HERC6: variants seen among roughly 807,000 people sequenced by gnomAD.
The protein encoded by HERC6 is probable E3 ubiquitin-protein ligase HERC6.
In HERC6, 101 loss-of-function variants were observed where a neutral mutation model predicts 114.5. The ratio of observed to expected loss-of-function variants is 0.88; its 90% CI spans 0.75 to 1.04. The LOEUF is 1.04. HERC6 is among the 50% of genes least tolerant of loss of function. The pLI, the probability that HERC6 is intolerant of heterozygous loss-of-function variation, is 0.00. For missense variants in HERC6, 1,133 were observed against 1,230.9 expected (o/e 0.92, Z 1.19); for synonymous variants, 408 against 436.2 (o/e 0.94, Z 0.81).
At chr4:88,393,700 T>G in intron 5 of HERC6, 118 bp downstream of exon 5, 1 of 522,624 alleles carries the variant, frequency 1.9e-6, no homozygotes, top group Non-Finnish European at 3.5e-6. Flanking sequence ...TATAACAAAA[T>G]ACCATAAAAA....
intron 18 of HERC6, among the ~76,000 whole-genome samples, chr4:88,436,376 GA>G (rs1392933072): frequency 6.6e-6 from 1 of 152,184 alleles, no homozygotes. Context: ...AAAATTGGGG[GA>G]AAGGACTCTC....
At chr4:88,401,591 G>T (rs1025598981) in intron 8 of HERC6, among the ~76,000 whole-genome samples, 1 of 152,112 alleles carries the variant, frequency 6.6e-6, no homozygotes, top group Non-Finnish European at 1.5e-5. Context: ...ACGCGTGATT[G>T]AGGGGTTTGA....
chr4:88,404,731 G>T, intron 8 of HERC6, 145 bp from the exon 9 acceptor site: 1 of 987,298 alleles, frequency 1.0e-6, no homozygotes, highest in Non-Finnish European at 1.4e-6. Flanking sequence ...TAGCCCTACC[G>T]GTCTGACGCC....
At chr4:88,413,945 C>A (rs986414109) in intron 12 of HERC6, among the ~76,000 whole-genome samples, 1 of 152,112 alleles carries the variant, frequency 6.6e-6, no homozygotes, top group Admixed American at 6.6e-5. Flanking sequence ...AAAAATACAT[C>A]TAGGTGTGGT....
In HERC6 at chr4:88,396,020, GAAAGTGT is replaced by G; in HGVS notation, c.766_772del (p.Lys256SerfsTer31). 6.3e-7 allele frequency: 1 copy of G among 1,591,376 alleles called. No individual in the cohort carries two copies. The highest frequency in any genetic ancestry group is 1.7e-4 in the Middle Eastern group (1 of 5,994). On this transcript the variant is annotated frameshift_variant, in exon 6 of 23. Coordinates refer to ENST00000264346, the MANE Select transcript of HERC6 (RefSeq NM_017912.4). LOFTEE classifies it high-confidence loss of function. ...ATTCTTCCTTTGCTAAGCAGGACGG[GAAAGTGT>G]TCACATTTGGAGACAATCGCTCTGG... is the stretch of plus-strand genomic sequence containing the variant.
At chr4:88,431,440 TG>T in intron 17 of HERC6, 135 bp downstream of exon 17, 1 of 1,035,738 alleles carries the variant, frequency 9.7e-7, no homozygotes, top group South Asian at 1.8e-5. Context: ...AGTACTCGTA[TG>T]GTTCACAGAG....
intron 5 of HERC6, among the ~76,000 whole-genome samples, chr4:88,394,602 T>A (rs1327915397): frequency 6.6e-6 from 1 of 151,092 alleles, no homozygotes; most frequent in African/African-American, 2.4e-5. Context: ...TGGAGTGCAG[T>A]GGTGCAATCT....
chr4:88,380,225 TA>T (rs1734176828), intron 1 of HERC6, among the ~76,000 whole-genome samples: 1 of 77,420 alleles, frequency 1.3e-5, no homozygotes, highest in Non-Finnish European at 2.2e-5. Flanking sequence ...TATAAATATA[TA>T]ATATATAAAT....
chr4:88,439,839 TTTC>T (rs1414936676), intron 20 of HERC6, 32 bp from the exon 21 acceptor site: 8 of 1,382,180 alleles, frequency 5.8e-6, no homozygotes, highest in African/African-American at 1.5e-5. Context: ...TTTTCCTTCC[TTTC>T]TTTTTTTTTT....
chr4:88,414,027 T>C (rs1736281989), intron 12 of HERC6, among the ~76,000 whole-genome samples: 1 of 152,228 alleles, frequency 6.6e-6, no homozygotes. Flanking sequence ...AATTCTGTTC[T>C]CTGTAGTGGG....
rs1738158879 is a variant in HERC6 at position 88,431,160 on chromosome 4, A to G, written c.2107-2A>G. The stretch of plus-strand genomic sequence containing the variant: ...ATCTGGGACTATGTTCTCTTTCCTT[A>G]GGTTGAATTTATTAATGAAATTTGT... On this transcript the variant is annotated splice_acceptor_variant, in intron 16 of 22. Coordinates refer to ENST00000264346, the MANE Select transcript of HERC6 (RefSeq NM_017912.4). LOFTEE classifies it high-confidence loss of function. 1 of 1,604,534 alleles carries G rather than the reference A, an allele frequency of 6.2e-7. No individual in the cohort carries two copies. Among genetic ancestry groups the G allele is most frequent in the Admixed American group, 1.7e-5 (1 of 57,796 alleles).
intron 4 of HERC6, among the ~76,000 whole-genome samples, chr4:88,391,435 A>G (rs72879341): frequency 0.087 from 13,271 of 152,220 alleles, 726 homozygotes; most frequent in East Asian, 0.23. Context: ...CGGTTTCCGT[A>G]ACTTCACTCT....
At chr4:88,381,554 CTTTTTTT>C (rs142058374) in intron 1 of HERC6, among the ~76,000 whole-genome samples, 1 of 95,828 alleles carries the variant, frequency 1.0e-5, no homozygotes. Flanking sequence ...CCCTTCTCTT[CTTTTTTT>C]TTTTTTTTTT....
chr4:88,393,894 G>T (rs895030162), intron 5 of HERC6, among the ~76,000 whole-genome samples: 1 of 152,118 alleles, frequency 6.6e-6, no homozygotes, highest in South Asian at 2.1e-4. Flanking sequence ...TCTTTTGTGA[G>T]GGCACTAATC....
chr4:88,383,133 C>CT, intron 1 of HERC6, 88 bp from the exon 2 acceptor site: 1 of 1,500,862 alleles, frequency 6.7e-7, no homozygotes, highest in Non-Finnish European at 9.0e-7. Context: ...GATGATCCTT[C>CT]TTTTTGAAGA....
At chr4:88,411,278 G>T (rs556197212) in intron 11 of HERC6, among the ~76,000 whole-genome samples, 8 of 152,064 alleles carry the variant, frequency 5.3e-5, no homozygotes, top group Non-Finnish European at 1.0e-4. Context: ...CATAAAAAAG[G>T]GTTCTTAATG....
chr4:88,424,660 C>T lies in HERC6; in HGVS notation c.1893C>T (p.Ser631=). The T allele has an allele frequency of 6.2e-7, 1 of 1,611,128 alleles. No homozygotes were observed. The highest frequency in any genetic ancestry group is 8.5e-7 in the Non-Finnish European group (1 of 1,178,282). ...SDFPFIFNSL[S]KIKLLQADSH... is the part of the protein sequence containing the mutation. ...TTCCATTTATCTTTAATTCGCTATC[C>T]AAAATTAAATTATTGCAAGCTGATT... Residue 631 remains serine, a synonymous_variant, in exon 15 of 23, where the codon TCC becomes TCT. Coordinates refer to ENST00000264346, the MANE Select transcript of HERC6 (RefSeq NM_017912.4).
chr4:88,410,335 T>C (rs1029836271), intron 11 of HERC6, among the ~76,000 whole-genome samples: 3 of 152,172 alleles, frequency 2.0e-5, no homozygotes, highest in Non-Finnish European at 2.9e-5. Context: ...TGCTTTTGAG[T>C]TTCTGATTAG....
chr4:88,430,690 T>C (rs1414226322), intron 16 of HERC6, among the ~76,000 whole-genome samples: 1 of 152,166 alleles, frequency 6.6e-6, no homozygotes, highest in Non-Finnish European at 1.5e-5. Context: ...AAAGGTCTCA[T>C]GCCCAGGCAG....
Sources: gnomAD v4.1 joint callset for allele counts (sites outside exome capture counted in the v4.1 genomes callset) on GRCh38, gnomAD v4.1.1 for gene constraint, MANE v1.5 for transcripts, NCBI Gene and HGNC (gene_info 2026-07-23, HGNC 2026-07-21) for gene names.